Variants in BOLL observed in about 807,000 individuals in gnomAD.
BOLL encodes protein boule-like.
A neutral mutation model predicts 44.4 loss-of-function variants in BOLL; 23 were observed. The observed-to-expected ratio is 0.52, with a 90% CI of 0.37 to 0.73. BOLL has a LOEUF of 0.73. Ranked by LOEUF, BOLL falls within the 30% of genes least tolerant of loss-of-function variation. The pLI is 0.00. For missense variants in BOLL, 287 were observed against 338.3 expected (o/e 0.85, Z 1.19); for synonymous variants, 97 against 110.8 (o/e 0.88, Z 0.78).
In BOLL at chr2:197,758,929, G is replaced by A. The variant is rs956093215; in HGVS notation, c.553-1529C>T. On this transcript the variant is annotated intron_variant, in intron 7 of 10. Coordinates refer to ENST00000392296, the MANE Select transcript of BOLL (RefSeq NM_033030.6). The stretch of plus-strand genomic sequence containing the variant: ...TTTTAGATCTAAATGTTAGCCAGGG[G>A]AGCAAAACTGACCTCATCACATTTG... The A allele has an allele frequency of 2.6e-6, 4 of 1,533,572 alleles. No homozygotes were observed. In the African/African-American group the frequency reaches 5.5e-5, roughly 21 times the overall value. The allele number at this position is 1,533,572 out of a possible 1,614,324, so 95.0% of individuals were successfully genotyped here.
chr2:197,749,180 C>G lies in BOLL; in HGVS notation c.730-6021G>C, dbSNP rs180811290. ...AGAAGGAAAACTAACAAACAGAAAG[C>G]AATAACATCAACATCAACAAAAAGG... On this transcript the variant is annotated intron_variant, in intron 9 of 10. Coordinates refer to ENST00000392296, the MANE Select transcript of BOLL (RefSeq NM_033030.6). 1.2e-3 allele frequency among the ~76,000 whole-genome samples: 187 copies of G among 152,266 alleles called. 1 individual carries two copies. The highest frequency in any genetic ancestry group is 4.6e-3 in the Admixed American group (70 of 15,286).
chr2:197,755,066 C>T (rs897337859), intron 9 of BOLL, among the ~76,000 whole-genome samples: 1 of 152,066 alleles, frequency 6.6e-6, no homozygotes, highest in Admixed American at 6.6e-5. Context: ...AAACAAAGAA[C>T]CTCGTTAAAA....
intron 7 of BOLL, among the ~76,000 whole-genome samples, chr2:197,760,991 CA>C (rs1688729941): frequency 6.6e-6 from 1 of 151,980 alleles, no homozygotes; most frequent in African/African-American, 2.4e-5. Flanking sequence ...ATATTATACC[CA>C]GTAAAGCTAT....
At chr2:197,747,531 C>T (rs1281421792) in intron 9 of BOLL, among the ~76,000 whole-genome samples, 2 of 136,712 alleles carry the variant, frequency 1.5e-5, no homozygotes, top group African/African-American at 5.5e-5. Context: ...TGCAGTGAGC[C>T]GAGATGGCAC....
chr2:197,784,954 C>T (rs925226907), intron 1 of BOLL, 102 bp downstream of exon 1: 1 of 986,018 alleles, frequency 1.0e-6, no homozygotes, highest in Non-Finnish European at 1.2e-6. Flanking sequence ...TTAAACTACT[C>T]CTCCAAAGCA....
At chr2:197,758,854 G>T in intron 7 of BOLL, 1 of 1,088,262 alleles carries the variant, frequency 9.2e-7, no homozygotes, top group Non-Finnish European at 1.3e-6. Flanking sequence ...TAAAAAACCA[G>T]CTTGCAGTCC....
At chr2:197,765,351 C>A (rs868142222) in intron 7 of BOLL, among the ~76,000 whole-genome samples, 3 of 150,330 alleles carry the variant, frequency 2.0e-5, no homozygotes, top group African/African-American at 7.3e-5. Context: ...AAAAAAAAAA[C>A]AACAAAAAAT....
At chr2:197,786,071 C>A, upstream of BOLL, 1 of 1,573,938 alleles carries the variant, frequency 6.4e-7, no homozygotes, top group Non-Finnish European at 8.6e-7. This position sits in a 1 kb window ranked among gnomAD's most constrained non-coding sequence, Gnocchi z 5.9. Context: ...CACCTTCACG[C>A]CAAGGCAGCA....
chr2:197,783,936 C>T (rs776432239), intron 1 of BOLL, among the ~76,000 whole-genome samples: 2 of 152,032 alleles, frequency 1.3e-5, no homozygotes, highest in South Asian at 2.1e-4. Context: ...CTAATATGTT[C>T]GCAAGTTTAA....
intron 2 of BOLL, among the ~76,000 whole-genome samples, chr2:197,779,451 C>T (rs962682945): frequency 9.2e-5 from 14 of 151,930 alleles, no homozygotes; most frequent in Admixed American, 3.3e-4. Flanking sequence ...CAGAGACAGT[C>T]ATGGCAGTGG....
chr2:197,774,196 A>G, intron 5 of BOLL: 1 of 201,866 alleles, frequency 5.0e-6, no homozygotes, highest in Non-Finnish European at 1.1e-5. Context: ...GTTTTATTCA[A>G]TTGTTTTTGG....
chr2:197,750,882 A>G (rs1688212206), intron 9 of BOLL, among the ~76,000 whole-genome samples: 1 of 152,210 alleles, frequency 6.6e-6, no homozygotes, highest in Non-Finnish European at 1.5e-5. Context: ...TGTAAAATTG[A>G]CCACATAATT....
At chr2:197,763,062 C>A (rs1158093444) in intron 7 of BOLL, among the ~76,000 whole-genome samples, 1 of 152,072 alleles carries the variant, frequency 6.6e-6, no homozygotes, top group Non-Finnish European at 1.5e-5. Flanking sequence ...CACAGAAATA[C>A]AAAGGATCAT....
intron 9 of BOLL, 65 bp downstream of exon 9, chr2:197,756,361 AAG>A (rs1688514988): frequency 2.9e-6 from 4 of 1,371,098 alleles, no homozygotes; most frequent in African/African-American, 1.5e-5. Context: ...AAATTTAAAA[AAG>A]AGAAAAAGAA....
At chr2:197,748,869 C>T (rs1186641832) in intron 9 of BOLL, among the ~76,000 whole-genome samples, 4 of 152,258 alleles carry the variant, frequency 2.6e-5, no homozygotes, top group African/African-American at 9.6e-5. Flanking sequence ...TCTCCCAGCA[C>T]AGTGCTTGAG....
In BOLL at chr2:197,784,413, T is replaced by C. The variant is rs1231329938; in HGVS notation, c.-16+643A>G. ...ATACATATATATATATATATATATA[T>C]ATATATATATATATATATATATATA... On this transcript the variant is annotated intron_variant, in intron 1 of 10. Transcript: ENST00000392296. Among the ~76,000 whole-genome samples, 13 of 65,062 alleles carry C rather than the reference T, an allele frequency of 2.0e-4. No homozygotes were observed. In the East Asian group the frequency reaches 2.3e-3, roughly 11 times the overall value. The allele number at this position is 65,062 out of a possible 152,430, so 42.7% of individuals were successfully genotyped here.
intron 1 of BOLL, among the ~76,000 whole-genome samples, chr2:197,782,581 C>G (rs1356951263): frequency 6.6e-6 from 1 of 152,190 alleles, no homozygotes; most frequent in Non-Finnish European, 1.5e-5. Context: ...TAAACCCTCT[C>G]TAGAAATTGC....
chr2:197,770,601 AC>A (rs1440373627), intron 6 of BOLL, among the ~76,000 whole-genome samples: 7 of 152,226 alleles, frequency 4.6e-5, no homozygotes, highest in Non-Finnish European at 8.8e-5. Context: ...TACCCATCTG[AC>A]AAAGGGCTAA....
chr2:197,749,517 T>G (rs1293405714), intron 9 of BOLL, among the ~76,000 whole-genome samples: 1 of 151,882 alleles, frequency 6.6e-6, no homozygotes, highest in Non-Finnish European at 1.5e-5. Context: ...CCAACTAGAA[T>G]AGCTAGTTTA....
Sources: gnomAD v4.1 joint callset for allele counts (sites outside exome capture counted in the v4.1 genomes callset) on GRCh38, gnomAD v4.1.1 for gene constraint, Gnocchi (gnomAD v3.1) non-coding constraint, MANE v1.5 for transcripts, NCBI Gene and HGNC (gene_info 2026-07-23, HGNC 2026-07-21) for gene names.